Variants in SUSD1 observed in about 807,000 individuals in gnomAD.
SUSD1 encodes sushi domain-containing protein 1.
A neutral mutation model predicts 86.9 loss-of-function variants in SUSD1; 65 were observed. That is an observed-to-expected ratio of 0.75 (90% CI 0.61 to 0.92). The LOEUF (loss-of-function observed/expected upper bound fraction) is 0.92, where lower values mean the gene tolerates loss of function less well. Among genes scored for constraint, SUSD1 ranks in the 40% least tolerant of loss-of-function variants. SUSD1 has a pLI of 0.00. For synonymous variants in SUSD1, 346 were observed against 350.0 expected (o/e 0.99, Z 0.13); for missense variants, 850 against 929.7 (o/e 0.91, Z 1.11).
chr9:112,097,194 T>C (rs1307317946), intron 10 of SUSD1, among the ~76,000 whole-genome samples: 1 of 151,382 alleles, frequency 6.6e-6, no homozygotes, highest in African/African-American at 2.4e-5. Context: ...GGCATGGTGG[T>C]ATGCGCCTGT....
At chr9:112,171,136 A>G (rs931377531) in intron 1 of SUSD1, among the ~76,000 whole-genome samples, 4 of 152,174 alleles carry the variant, frequency 2.6e-5, no homozygotes, top group Non-Finnish European at 5.9e-5. Flanking sequence ...TTTGCCCCCA[A>G]TTCCAACTTG....
intron 12 of SUSD1, among the ~76,000 whole-genome samples, chr9:112,070,317 A>G (rs1455669824): frequency 2.0e-5 from 3 of 152,106 alleles, no homozygotes; most frequent in Admixed American, 2.0e-4. Context: ...GCTGCCTTAT[A>G]TTTTAAACAG....
intron 15 of SUSD1, among the ~76,000 whole-genome samples, chr9:112,050,721 A>C (rs1419112615): frequency 6.6e-6 from 1 of 152,174 alleles, no homozygotes. Context: ...TCATAAACTC[A>C]ACAAGATTTC....
chr9:112,096,970 G>A (rs1299281631), intron 10 of SUSD1, among the ~76,000 whole-genome samples: 2 of 152,160 alleles, frequency 1.3e-5, no homozygotes, highest in South Asian at 2.1e-4. Flanking sequence ...GGTGCTCCTT[G>A]TGCAAACTCT....
intron 3 of SUSD1, among the ~76,000 whole-genome samples, chr9:112,144,427 A>T (rs1423349320): frequency 6.6e-6 from 1 of 152,078 alleles, no homozygotes; most frequent in African/African-American, 2.4e-5. Context: ...AAATATACCC[A>T]ATCATTATAA....
chr9:112,151,170 C>G (rs1833027531), intron 2 of SUSD1, among the ~76,000 whole-genome samples: 1 of 152,162 alleles, frequency 6.6e-6, no homozygotes, highest in South Asian at 2.1e-4. Flanking sequence ...GTCTCAAACT[C>G]CTGGCCTTAA....
In SUSD1 at chr9:112,162,374, T is replaced by C. The variant is rs138498153; in HGVS notation, c.104-4761A>G. 3.8e-3 allele frequency among the ~76,000 whole-genome samples: 579 copies of C among 152,270 alleles called. 5 individuals are homozygous for C. The highest frequency in any genetic ancestry group is 0.013 in the African/African-American group (545 of 41,556). On this transcript the variant is annotated intron_variant, in intron 1 of 16. Transcript: ENST00000374270. ...AATTTCTCATGATGCCATTGAGAGA[T>C]GGTAGATAGCAGGTACATAGCTTTA...
chr9:112,141,735 A>T (rs115559674), intron 5 of SUSD1, among the ~76,000 whole-genome samples: 3,911 of 136,118 alleles, frequency 0.029, 189 homozygotes, highest in African/African-American at 0.11. Context: ...TATTATATAT[A>T]ATATATATTA....
intron 3 of SUSD1, among the ~76,000 whole-genome samples, chr9:112,148,038 C>A (rs1832881823): frequency 6.6e-6 from 1 of 152,120 alleles, no homozygotes; most frequent in South Asian, 2.1e-4. Context: ...TGGTACAGGT[C>A]AAGAGGGAGG....
chr9:112,057,784 C>G (rs1473318882), intron 14 of SUSD1, among the ~76,000 whole-genome samples: 1 of 152,182 alleles, frequency 6.6e-6, no homozygotes, highest in Middle Eastern at 3.2e-3. Context: ...TATAATCCTT[C>G]TAGTTTTCAT....
intron 12 of SUSD1, among the ~76,000 whole-genome samples, chr9:112,075,276 G>A (rs975539517): frequency 1.3e-5 from 2 of 152,162 alleles, no homozygotes; most frequent in African/African-American, 4.8e-5. Flanking sequence ...CCACCCACTG[G>A]CTGTTATTTT....
rs529717973 is a variant in SUSD1, at chr9:112,149,973, A to T, written c.218-574T>A. Among the ~76,000 whole-genome samples, 29 of 152,362 alleles carry T rather than the reference A, an allele frequency of 1.9e-4. No homozygotes were observed. In the East Asian group the frequency reaches 5.6e-3, roughly 29 times the overall value. ...GTCCCTCAGTGCAGAGGCCTGGAAC[A>T]TGGATGCTCGATGAGTCCCCAGAAG... is the stretch of plus-strand genomic sequence containing the variant. On this transcript the variant is annotated intron_variant, in intron 2 of 16. Transcript: ENST00000374270.
intron 1 of SUSD1, chr9:112,173,914 C>T (rs1051541007): frequency 3.9e-5 from 10 of 254,504 alleles, no homozygotes; most frequent in Non-Finnish European, 7.8e-5. Context: ...TTCATGATGC[C>T]GTTTCTGTGC....
At chr9:112,045,113 C>T (rs1276284257) in intron 15 of SUSD1, among the ~76,000 whole-genome samples, 2 of 152,108 alleles carry the variant, frequency 1.3e-5, no homozygotes, top group South Asian at 2.1e-4. Context: ...TTTTTAAATG[C>T]CATCTTGGTG....
intron 12 of SUSD1, among the ~76,000 whole-genome samples, chr9:112,073,258 G>A (rs934671699): frequency 3.4e-4 from 51 of 152,210 alleles, no homozygotes; most frequent in African/African-American, 1.2e-3. Context: ...AATACAATGA[G>A]AGATGGGAAA....
At chr9:112,124,484 C>G (rs1307299722) in intron 5 of SUSD1, 48 bp from the exon 6 acceptor site, 1 of 1,527,548 alleles carries the variant, frequency 6.5e-7, no homozygotes, top group Non-Finnish European at 8.8e-7. Context: ...TGACTTCCAG[C>G]CCTACAATTC....
chr9:112,124,186 T>C (rs1157588773), intron 6 of SUSD1, 71 bp downstream of exon 6: 1 of 1,458,592 alleles, frequency 6.9e-7, no homozygotes, highest in Non-Finnish European at 9.3e-7. Context: ...AGCAATCAGA[T>C]AGTTTTAGGC....
intron 5 of SUSD1, among the ~76,000 whole-genome samples, chr9:112,138,264 T>TACAC (rs372069004): frequency 1.6e-5 from 1 of 61,814 alleles, no homozygotes; most frequent in Non-Finnish European, 3.2e-5. Context: ...TATGTGTATA[T>TACAC]ACATATATAT....
At chr9:112,081,146 C>T (rs1466854661) in intron 10 of SUSD1, among the ~76,000 whole-genome samples, 2 of 152,044 alleles carry the variant, frequency 1.3e-5, no homozygotes, top group Non-Finnish European at 2.9e-5. Context: ...GATCTCTGTC[C>T]CTAAAGTGGA....
Sources: gnomAD v4.1 joint callset for allele counts (sites outside exome capture counted in the v4.1 genomes callset) on GRCh38, gnomAD v4.1.1 for gene constraint, MANE v1.5 for transcripts, NCBI Gene and HGNC (gene_info 2026-07-23, HGNC 2026-07-21) for gene names.